LRFN5: variants seen among roughly 807,000 people sequenced by gnomAD.
LRFN5 encodes the protein leucine-rich repeat and fibronectin type-III domain-containing protein 5.
Under a neutral mutation model 45.6 loss-of-function variants are expected in LRFN5, and 24 were observed. The ratio of observed to expected loss-of-function variants is 0.53; its 90% CI spans 0.38 to 0.74. The LOEUF (loss-of-function observed/expected upper bound fraction) is 0.74. LRFN5 is among the 30% of genes least tolerant of loss of function. The pLI, the probability that LRFN5 is intolerant of heterozygous loss-of-function variation, is 0.00. For missense variants in LRFN5, 776 were observed against 861.5 expected (o/e 0.90, Z 1.24); for synonymous variants, 340 against 313.8 (o/e 1.08, Z -0.88).
intron 2 of LRFN5, among the ~76,000 whole-genome samples, chr14:41,813,442 G>A (rs1441948337): frequency 1.3e-5 from 2 of 152,108 alleles, no homozygotes; most frequent in Non-Finnish European, 2.9e-5. Context: ...AGAACAAATG[G>A]TGTTTAGTTT....
At chr14:41,719,400 C>A (rs1883620849) in intron 1 of LRFN5, among the ~76,000 whole-genome samples, 1 of 151,206 alleles carries the variant, frequency 6.6e-6, no homozygotes, top group Non-Finnish European at 1.5e-5. Context: ...CTTTTATATT[C>A]ATATTGTGTG....
chr14:41,739,416 A>G (rs1566645859), intron 1 of LRFN5, among the ~76,000 whole-genome samples: 1 of 151,722 alleles, frequency 6.6e-6, no homozygotes, highest in Non-Finnish European at 1.5e-5. Context: ...CATCATCATC[A>G]TCATCATCTT....
chr14:41,639,949 A>ATTTTTTTTTTTTTTTT (rs34020254), intron 1 of LRFN5, among the ~76,000 whole-genome samples: 1 of 68,036 alleles, frequency 1.5e-5, no homozygotes, highest in Non-Finnish European at 2.7e-5. Flanking sequence ...TGACTGGCTA[A>ATTTTTTTTTTTTTTTT]TTTTTTTTTT....
At position 41,763,489 on chromosome 14, in the gene LRFN5, C is replaced by T. The variant is rs527865555; in HGVS notation, c.-196-3365C>T. ...GTTCTTTCTGAGTTTAGTATTGGCA[C>T]CTTATGTGGTTTGGCTTTGTCCTCA... On this transcript the variant is annotated intron_variant, in intron 1 of 5. Coordinates refer to ENST00000298119, the MANE Select transcript of LRFN5 (RefSeq NM_152447.5). Among the ~76,000 whole-genome samples, 4 of 152,162 alleles carry T rather than the reference C, an allele frequency of 2.6e-5. 1 individual carries two copies. The highest frequency in any genetic ancestry group is 9.6e-5 in the African/African-American group (4 of 41,492).
At chr14:41,788,372 T>A (rs1292141702) in intron 2 of LRFN5, among the ~76,000 whole-genome samples, 1 of 106,028 alleles carries the variant, frequency 9.4e-6, no homozygotes, top group Non-Finnish European at 1.9e-5. Flanking sequence ...TTATCTTTTC[T>A]GGTTTTTTGT....
At chr14:41,821,548 T>A (rs1035122263) in intron 2 of LRFN5, among the ~76,000 whole-genome samples, 6 of 151,966 alleles carry the variant, frequency 3.9e-5, no homozygotes, top group African/African-American at 1.2e-4. Context: ...CTGTTCAGAA[T>A]TTTTGTGCCT....
At chr14:41,807,275 T>G (rs77915098) in intron 2 of LRFN5, among the ~76,000 whole-genome samples, 1,742 of 151,794 alleles carry the variant, frequency 0.011, 30 homozygotes, top group African/African-American at 0.04. Flanking sequence ...AAGTAAAACT[T>G]TTTTTTTAGC....
chr14:41,739,942 A>C (rs1055727122), intron 1 of LRFN5, among the ~76,000 whole-genome samples: 13 of 147,830 alleles, frequency 8.8e-5, no homozygotes, highest in African/African-American at 3.2e-4. Context: ...AAAATGAATA[A>C]CACAGAAAAA....
chr14:41,894,355 A>T (rs1050220910), intron 4 of LRFN5: 17 of 862,852 alleles, frequency 2.0e-5, no homozygotes, highest in Non-Finnish European at 2.4e-5. Context: ...TTCCATATTT[A>T]ATCATATGAG....
intron 1 of LRFN5, among the ~76,000 whole-genome samples, chr14:41,641,422 A>C (rs1420637599): frequency 6.6e-6 from 1 of 152,086 alleles, no homozygotes; most frequent in Non-Finnish European, 1.5e-5. Context: ...TGGGAAGACT[A>C]ACATTTTGGT....
chr14:41,723,618 C>T (rs1412737698), intron 1 of LRFN5, among the ~76,000 whole-genome samples: 2 of 152,080 alleles, frequency 1.3e-5, no homozygotes, highest in African/African-American at 4.8e-5. Flanking sequence ...CAATGACACA[C>T]ACAGACTGGT....
Position 41,640,819 on chromosome 14 carries a change from A to G in LRFN5, c.-197+32257A>G, listed in dbSNP as rs369760899. On this transcript the variant is annotated intron_variant, in intron 1 of 5. Transcript: ENST00000298119. ...TTTATTGCCCTTTATCCCATATTTCATAATTTCACGCTTCTGTCTTGCATG... is the reference window on the plus strand; with the variant it reads ...TTTATTGCCCTTTATCCCATATTTCGTAATTTCACGCTTCTGTCTTGCATG... Among the ~76,000 whole-genome samples, 39 of 152,218 alleles carry G rather than the reference A, an allele frequency of 2.6e-4. No homozygotes were observed. In the East Asian group the frequency reaches 6.4e-3, roughly 25 times the overall value.
chr14:41,669,532 G>T (rs963021061), intron 1 of LRFN5, among the ~76,000 whole-genome samples: 5 of 150,588 alleles, frequency 3.3e-5, no homozygotes, highest in African/African-American at 1.2e-4. Context: ...CTTTTTTTTT[G>T]AACTGTTTTT....
chr14:41,873,015 A>C (rs1351620800), intron 2 of LRFN5, among the ~76,000 whole-genome samples: 1 of 152,226 alleles, frequency 6.6e-6, no homozygotes, highest in Non-Finnish European at 1.5e-5. Context: ...TTGATTTAAA[A>C]TTCACTGAGT....
rs985196120 is a variant in LRFN5, at chr14:41,608,114, G to C, written c.-645G>C. 2.6e-5 allele frequency: 4 copies of C among 152,342 alleles called. No homozygotes were observed. The highest frequency in any genetic ancestry group is 9.7e-5 in the African/African-American group (4 of 41,444). 9.4% of individuals were successfully genotyped at this position (152,342 alleles called of 1,614,324 possible). A position where few individuals can be genotyped will look rare whatever the true frequency, so the allele number is the denominator to read the frequency against. ...GCTATGCGAGAACGCTCTCTTTGCTGCCCGCGGTCCGGTGGGCTTCGAAGC... is the reference window on the plus strand; with the variant it reads ...GCTATGCGAGAACGCTCTCTTTGCTCCCCGCGGTCCGGTGGGCTTCGAAGC... On this transcript the variant is annotated 5_prime_UTR_variant, in exon 1 of 6. Coordinates refer to ENST00000298119, the MANE Select transcript of LRFN5 (RefSeq NM_152447.5).
chr14:41,824,811 G>GC (rs1403892441), intron 2 of LRFN5, among the ~76,000 whole-genome samples: 1 of 152,022 alleles, frequency 6.6e-6, no homozygotes, highest in Non-Finnish European at 1.5e-5. Context: ...TACTAGCACT[G>GC]CCCCTTATGG....
At chr14:41,626,367 T>A (rs1888332581) in intron 1 of LRFN5, among the ~76,000 whole-genome samples, 1 of 152,172 alleles carries the variant, frequency 6.6e-6, no homozygotes. Context: ...ATCAAGCTTA[T>A]CTACAATGTA....
intron 1 of LRFN5, among the ~76,000 whole-genome samples, chr14:41,696,815 G>C (rs1399182848): frequency 6.6e-6 from 1 of 151,900 alleles, no homozygotes; most frequent in Non-Finnish European, 1.5e-5. Flanking sequence ...TTTCTCTAGT[G>C]ACTAATGATG....
At chr14:41,672,233 C>G (rs1212788749) in intron 1 of LRFN5, among the ~76,000 whole-genome samples, 1 of 152,182 alleles carries the variant, frequency 6.6e-6, no homozygotes, top group Non-Finnish European at 1.5e-5. Context: ...AGGAAGTACT[C>G]TGATTTATTA....
Sources: gnomAD v4.1 joint callset for allele counts (sites outside exome capture counted in the v4.1 genomes callset) on GRCh38, gnomAD v4.1.1 for gene constraint, MANE v1.5 for transcripts, NCBI Gene and HGNC (gene_info 2026-07-23, HGNC 2026-07-21) for gene names.